ABCB1: variants seen among roughly 807,000 people sequenced by gnomAD.
ABCB1 encodes ATP-dependent translocase ABCB1.
In ABCB1, 69 loss-of-function variants were observed where a neutral mutation model predicts 142.0. That is an observed-to-expected ratio of 0.49 (90% CI 0.40 to 0.59). ABCB1 has a LOEUF of 0.59. ABCB1 is among the 20% of genes least tolerant of loss of function. The pLI is 0.00. For synonymous variants in ABCB1, 532 were observed against 539.2 expected (o/e 0.99, Z 0.18); for missense variants, 1,326 against 1,554.7 (o/e 0.85, Z 2.47).
intron 1 of ABCB1, among the ~76,000 whole-genome samples, chr7:87,645,158 C>T (rs573579947): frequency 6.0e-5 from 9 of 151,028 alleles, no homozygotes; most frequent in African/African-American, 1.9e-4. Flanking sequence ...TCTCGGATCA[C>T]TGCAACCTCG....
intron 23 of ABCB1, chr7:87,519,105 A>T: frequency 3.4e-6 from 2 of 589,160 alleles, no homozygotes; most frequent in South Asian, 4.1e-5. Context: ...TGAAAAGGTC[A>T]ACTATGTGTG....
intron 26 of ABCB1, 145 bp from the exon 27 acceptor site, chr7:87,506,188 G>C: frequency 1.2e-6 from 1 of 828,120 alleles, no homozygotes; most frequent in South Asian, 1.7e-5. Flanking sequence ...ATTAAGGAAA[G>C]AACAGTAAAA....
intron 7 of ABCB1, chr7:87,564,073 A>G: frequency 2.3e-6 from 1 of 427,140 alleles, no homozygotes; most frequent in South Asian, 1.7e-5. Flanking sequence ...TACTAGGCTT[A>G]ATACTTGGGT....
intron 10 of ABCB1, 71 bp from the exon 11 acceptor site, chr7:87,550,649 TG>T: frequency 6.4e-7 from 1 of 1,568,936 alleles, no homozygotes; most frequent in Non-Finnish European, 8.8e-7. Flanking sequence ...TGTGGAGAGC[TG>T]GATAAAGTGA....
intron 1 of ABCB1, among the ~76,000 whole-genome samples, chr7:87,685,004 A>G (rs1827318030): frequency 6.6e-6 from 1 of 152,136 alleles, no homozygotes; most frequent in African/African-American, 2.4e-5. Flanking sequence ...ACTCTTAAAA[A>G]TGTAGAATAT....
chr7:87,609,983 T>C (rs1376394225), intron 1 of ABCB1, among the ~76,000 whole-genome samples: 1 of 152,218 alleles, frequency 6.6e-6, no homozygotes, highest in Non-Finnish European at 1.5e-5. Context: ...CTAACGGTAG[T>C]GTAGAAACAC....
intron 1 of ABCB1, among the ~76,000 whole-genome samples, chr7:87,625,143 G>C (rs985503605): frequency 1.3e-5 from 2 of 152,162 alleles, no homozygotes; most frequent in African/African-American, 2.4e-5. Flanking sequence ...TGTAGTCCCA[G>C]CGACTCGGGA....
At chr7:87,621,502 T>C (rs768439384) in intron 1 of ABCB1, among the ~76,000 whole-genome samples, 3 of 152,094 alleles carry the variant, frequency 2.0e-5, no homozygotes, top group Non-Finnish European at 4.4e-5. Flanking sequence ...ACTCTATAAA[T>C]ATCAAATATG....
intron 1 of ABCB1, chr7:87,629,085 A>T: frequency 1.3e-6 from 1 of 797,582 alleles, no homozygotes; most frequent in Non-Finnish European, 1.7e-6. Context: ...CAAATCTGTG[A>T]GCGCGCAGCT....
At chr7:87,548,353 A>C (rs981574588) in intron 14 of ABCB1, among the ~76,000 whole-genome samples, 1 of 145,084 alleles carries the variant, frequency 6.9e-6, no homozygotes, top group Non-Finnish European at 1.5e-5. Context: ...GGATTGAGGG[A>C]GGGAGGGAAG....
chr7:87,652,508 C>A (rs1180112646), intron 1 of ABCB1, among the ~76,000 whole-genome samples: 1 of 151,638 alleles, frequency 6.6e-6, no homozygotes, highest in Non-Finnish European at 1.5e-5. Flanking sequence ...GATAAGAATT[C>A]TACTTGTGTG....
At chr7:87,585,459 T>G in intron 4 of ABCB1, 53 bp downstream of exon 4, 1 of 1,577,514 alleles carries the variant, frequency 6.3e-7, no homozygotes, top group Non-Finnish European at 8.7e-7. Flanking sequence ...TCACTCTAAG[T>G]GCTTGTTTTT....
Position 87,536,601 on chromosome 7 carries a change from G to A in ABCB1, c.2398-60C>T, listed in dbSNP as rs1239562082. On this transcript the variant is annotated intron_variant, in intron 19 of 27. Coordinates refer to ENST00000622132, the MANE Select transcript of ABCB1 (RefSeq NM_001348946.2). ...CTGTTTATGAGACTCTCAGCTCCAA[G>A]AGGGCAGCGATGGGGTCAGTTTTGT... 2.6e-6 allele frequency: 4 copies of A among 1,523,206 alleles called. No individual in the cohort carries two copies. In the East Asian group the frequency reaches 9.0e-5, roughly 34 times the overall value. 94.4% of individuals were successfully genotyped at this position (1,523,206 alleles called of 1,614,324 possible).
chr7:87,541,295 TC>T, intron 18 of ABCB1, 61 bp downstream of exon 18: 2 of 1,115,294 alleles, frequency 1.8e-6, no homozygotes, highest in African/African-American at 1.5e-5. Flanking sequence ...TGTTTATAAA[TC>T]CCCCCAGTTG....
At chr7:87,610,568 G>A (rs371678832) in intron 1 of ABCB1, among the ~76,000 whole-genome samples, 4 of 151,792 alleles carry the variant, frequency 2.6e-5, no homozygotes, top group Non-Finnish European at 4.4e-5. Context: ...TGTTTTACTC[G>A]AATGCTATGC....
At chr7:87,646,001 C>G (rs1822963530) in intron 1 of ABCB1, among the ~76,000 whole-genome samples, 2 of 152,156 alleles carry the variant, frequency 1.3e-5, no homozygotes, top group Admixed American at 6.5e-5. Context: ...TGCTTTCTCA[C>G]CCTTAAATGT....
At chr7:87,536,137 T>C (rs528465566) in intron 20 of ABCB1, among the ~76,000 whole-genome samples, 3 of 152,316 alleles carry the variant, frequency 2.0e-5, no homozygotes, top group African/African-American at 7.2e-5. Context: ...AAATACATCC[T>C]TTCTTCAGTA....
At chr7:87,515,561 G>T (rs2117084105) in intron 24 of ABCB1, 133 bp from the exon 25 acceptor site, 1 of 549,706 alleles carries the variant, frequency 1.8e-6, no homozygotes, top group Non-Finnish European at 3.0e-6. Context: ...CAAACTGCTA[G>T]AATTTATTTT....
intron 8 of ABCB1, among the ~76,000 whole-genome samples, chr7:87,558,159 G>A (rs1033871570): frequency 4.6e-5 from 7 of 152,172 alleles, no homozygotes; most frequent in Admixed American, 3.3e-4. Flanking sequence ...TTAATGTAAG[G>A]TGGTCTCAGG....
Sources: allele counts gnomAD v4.1 joint callset (sites outside exome capture counted in the v4.1 genomes callset), GRCh38; gene constraint gnomAD v4.1.1; transcripts MANE v1.5; gene names NCBI Gene and HGNC (gene_info 2026-07-23, HGNC 2026-07-21).